Variants in TRDN observed in about 807,000 individuals in gnomAD.
TRDN encodes the protein triadin, also known as triadin in skeletal muscle.
In TRDN, 161 loss-of-function variants were observed where a neutral mutation model predicts 149.7. That is an observed-to-expected ratio of 1.08 (90% CI 0.95 to 1.23). The LOEUF (loss-of-function observed/expected upper bound fraction) is 1.23, where lower values mean the gene tolerates loss of function less well. Among genes scored for constraint, TRDN ranks in the 50% most tolerant of loss-of-function variants. The pLI, the probability that TRDN is intolerant of heterozygous loss-of-function variation, is 0.00. For synonymous variants in TRDN, 294 were observed against 250.5 expected, an observed-to-expected ratio of 1.17 and a Z score of -1.64; for missense variants, 896 against 823.5, an observed-to-expected ratio of 1.09 and a Z score of -1.08.
intron 4 of TRDN, among the ~76,000 whole-genome samples, chr6:123,541,133 T>C (rs10499125): frequency 0.48 from 72,516 of 151,956 alleles, 18,079 homozygotes; most frequent in Non-Finnish European, 0.53. Context: ...TTACTCATCT[T>C]AGGTACAGGT....
chr6:123,236,265 T>C (rs1775784046), intron 38 of TRDN, among the ~76,000 whole-genome samples: 2 of 152,242 alleles, frequency 1.3e-5, no homozygotes, highest in South Asian at 2.1e-4. Flanking sequence ...CAGCTAATAA[T>C]GTCAAATATC....
chr6:123,497,981 GT>G (rs35605071), intron 8 of TRDN, among the ~76,000 whole-genome samples: 126,104 of 151,826 alleles, frequency 0.83, 52,564 homozygotes, highest in East Asian at 0.88. Context: ...TCAGGAGTTG[GT>G]TTTTTTTCTA....
At chr6:123,510,619 T>C (rs1460369496) in intron 7 of TRDN, among the ~76,000 whole-genome samples, 1 of 150,774 alleles carries the variant, frequency 6.6e-6, no homozygotes, top group Non-Finnish European at 1.5e-5. Flanking sequence ...GTAAAAATAT[T>C]GATCAAGATT....
chr6:123,366,179 G>A lies in TRDN; in HGVS notation c.1277C>T (p.Thr426Ile). 6.2e-7 allele frequency: 1 copy of A among 1,612,790 alleles called. No individual in the cohort carries two copies. Among genetic ancestry groups the A allele is most frequent in the Non-Finnish European group, 8.5e-7 (1 of 1,179,188 alleles). ...VPSDKQVKAK[T>I]ERAKEEIGAV... ...ACCAATCTCCTCTTTGGCTCGTTCA[G>A]TTTCTGCAAGTTCAGATATTAAAGG... The change falls in exon 20 of 41, where the codon ACT (threonine) becomes ATT (isoleucine). Residue 426 changes from threonine (T) to isoleucine (I), a missense_variant. Physicochemically the swap from Thr to Ile is moderately conservative, Grantham distance 89. Coordinates refer to ENST00000334268, the MANE Select transcript of TRDN (RefSeq NM_006073.4).
At chr6:123,570,297 T>G (rs1480969632) in intron 2 of TRDN, among the ~76,000 whole-genome samples, 1 of 152,194 alleles carries the variant, frequency 6.6e-6, no homozygotes, top group Admixed American at 6.5e-5. Context: ...CTTAGGGAGC[T>G]CACAGTCAAT....
chr6:123,636,904 T>A lies in TRDN; in HGVS notation c.-129A>T. 2.0e-6 allele frequency: 2 copies of A among 1,017,360 alleles called. No homozygotes were observed. Among genetic ancestry groups the A allele is most frequent in the Non-Finnish European group, 3.0e-6 (2 of 662,544 alleles). The allele number at this position is 1,017,360 out of a possible 1,614,324, so 63.0% of individuals were successfully genotyped here. A position where few individuals can be genotyped will look rare whatever the true frequency, so the allele number is the denominator to read the frequency against. On this transcript the variant is annotated 5_prime_UTR_variant, in exon 1 of 41. Coordinates refer to ENST00000334268, the MANE Select transcript of TRDN (RefSeq NM_006073.4). The stretch of plus-strand genomic sequence containing the variant: ...CCTGGGGGCTCTTCGTTTTCCTGGC[T>A]GTTTCTGCTGCTTCTTTGTTGTCCT...
At chr6:123,484,078 C>T (rs1277705563) in intron 9 of TRDN, among the ~76,000 whole-genome samples, 1 of 151,764 alleles carries the variant, frequency 6.6e-6, no homozygotes, top group Admixed American at 6.6e-5. Flanking sequence ...CAATCAGTAA[C>T]GTTAATGTTA....
chr6:123,286,328 G>A (rs935774652), intron 24 of TRDN, among the ~76,000 whole-genome samples: 4 of 151,886 alleles, frequency 2.6e-5, no homozygotes, highest in African/African-American at 7.2e-5. Context: ...GTCGGGCATG[G>A]TGGAATACTA....
intron 1 of TRDN, among the ~76,000 whole-genome samples, chr6:123,605,646 C>A (rs1784498594): frequency 6.6e-6 from 1 of 151,156 alleles, no homozygotes; most frequent in Middle Eastern, 3.4e-3. Flanking sequence ...AGACTTATAA[C>A]CCAGCTACTC....
At chr6:123,256,780 C>G (rs1776578887) in intron 35 of TRDN, among the ~76,000 whole-genome samples, 1 of 151,858 alleles carries the variant, frequency 6.6e-6, no homozygotes, top group Non-Finnish European at 1.5e-5. Flanking sequence ...CCTGTTCACT[C>G]TGATGATAGT....
intron 23 of TRDN, among the ~76,000 whole-genome samples, chr6:123,322,244 T>G (rs142030328): frequency 6.6e-6 from 1 of 152,190 alleles, no homozygotes; most frequent in Non-Finnish European, 1.5e-5. Context: ...ACTTCATTCA[T>G]GTCAAGGAGT....
At chr6:123,291,289 G>T (rs917796569) in intron 24 of TRDN, among the ~76,000 whole-genome samples, 11 of 152,164 alleles carry the variant, frequency 7.2e-5, no homozygotes, top group Admixed American at 3.9e-4. Context: ...TATAGGCTGG[G>T]TGCGGTGGAT....
chr6:123,372,689 G>T (rs1352134549), intron 19 of TRDN, among the ~76,000 whole-genome samples: 2 of 152,038 alleles, frequency 1.3e-5, no homozygotes, highest in East Asian at 3.9e-4. Flanking sequence ...ACATATATTT[G>T]GTAAACAATG....
intron 1 of TRDN, among the ~76,000 whole-genome samples, chr6:123,626,077 CTA>C (rs1785646271): frequency 6.6e-6 from 1 of 152,162 alleles, no homozygotes; most frequent in Non-Finnish European, 1.5e-5. Flanking sequence ...ATCTTCTACT[CTA>C]TGTTATATTC....
chr6:123,294,308 C>T (rs535436401), intron 24 of TRDN, among the ~76,000 whole-genome samples: 2 of 152,240 alleles, frequency 1.3e-5, no homozygotes, highest in South Asian at 4.2e-4. Context: ...CCAAGTCTTA[C>T]CTGGTTTTTA....
Position 123,374,513 on chromosome 6 carries a change from T to C in TRDN, c.1273+1092A>G, listed in dbSNP as rs1781434494. Among the ~76,000 whole-genome samples, 3 of 152,180 alleles carry C rather than the reference T, an allele frequency of 2.0e-5. No individual in the cohort carries two copies. The South Asian group carries it at 6.2e-4, about 31-fold the overall frequency. On this transcript the variant is annotated intron_variant, in intron 19 of 40. Transcript: ENST00000334268. Reference sequence around the variant, plus strand: ...ATGGAAATATAAATGGAATTTTAGATTCATGTTAAACCTCTCTTGTAAAGT... The same window carrying C: ...ATGGAAATATAAATGGAATTTTAGACTCATGTTAAACCTCTCTTGTAAAGT...
chr6:123,537,000 T>A (rs1471447243), intron 4 of TRDN, among the ~76,000 whole-genome samples: 1 of 152,094 alleles, frequency 6.6e-6, no homozygotes, highest in Non-Finnish European at 1.5e-5. Context: ...AAAGCTAAAT[T>A]GTAATTATAT....
chr6:123,259,727 G>T, intron 34 of TRDN, 65 bp from the exon 35 acceptor site: 2 of 1,169,814 alleles, frequency 1.7e-6, no homozygotes, highest in South Asian at 1.4e-5. Context: ...ACTCATTCTT[G>T]GAGTAAACAG....
intron 24 of TRDN, among the ~76,000 whole-genome samples, chr6:123,301,627 G>T (rs1239075543): frequency 6.6e-6 from 1 of 150,856 alleles, no homozygotes; most frequent in African/African-American, 2.4e-5. Flanking sequence ...GGCTTAGTAA[G>T]TACTCAATAA....
Sources: gnomAD v4.1 joint callset for allele counts (sites outside exome capture counted in the v4.1 genomes callset) on GRCh38, gnomAD v4.1.1 for gene constraint, MANE v1.5 for transcripts, NCBI Gene and HGNC (gene_info 2026-07-23, HGNC 2026-07-21) for gene names.